The following DIP2C variants were observed in gnomAD, a reference collection of about 807,000 sequenced individuals.
DIP2C encodes DIP2 acetate--CoA ligase C (putative).
In DIP2C, 33 loss-of-function variants were observed where a neutral mutation model predicts 192.4. That is an observed-to-expected ratio of 0.17 (90% CI 0.13 to 0.23). The LOEUF (loss-of-function observed/expected upper bound fraction) is 0.23, where lower values mean the gene tolerates loss of function less well. DIP2C is among the 10% of genes least tolerant of loss of function. The pLI is 1.00. For synonymous variants in DIP2C, 979 were observed against 864.1 expected (o/e 1.13, Z -2.33); for missense variants, 1,537 against 2,110.1 (o/e 0.73, Z 5.32).
At position 627,110 on chromosome 10, in the gene DIP2C, G is replaced by A. The variant is rs537096336; in HGVS notation, c.85+62384C>T. 5.9e-5 allele frequency among the ~76,000 whole-genome samples: 9 copies of A among 152,382 alleles called. No homozygotes were observed. In the South Asian group the frequency reaches 1.7e-3, roughly 28 times the overall value. ...TGGAGGAAAATCCGCGTGGGGCTCA[G>A]AGATGGGTGGTCCCCGCACACGCAG... On this transcript the variant is annotated intron_variant, in intron 1 of 36. Transcript: ENST00000280886.
At position 305,804 on chromosome 10, in the gene DIP2C, C is replaced by G. The variant is rs183711799; in HGVS notation, c.3986+4227G>C. ...GGACTATAGGCACATGCCACCACAC[C>G]TAGTTCATTTTTAAAAAATGTTGTA... On this transcript the variant is annotated intron_variant, in intron 32 of 36. Coordinates refer to ENST00000280886, the MANE Select transcript of DIP2C (RefSeq NM_014974.3). 1.4e-3 allele frequency among the ~76,000 whole-genome samples: 211 copies of G among 152,064 alleles called. 2 individuals are homozygous for G. The highest frequency in any genetic ancestry group is 5.0e-3 in the African/African-American group (206 of 41,442).
At chr10:445,533 T>C (rs190234216) in intron 3 of DIP2C, among the ~76,000 whole-genome samples, 208 of 151,928 alleles carry the variant, frequency 1.4e-3, no homozygotes, top group South Asian at 2.3e-3. Context: ...TATACATCTG[T>C]TGCGAAGAGT....
chr10:296,237 G>A (rs1211011921), intron 32 of DIP2C, among the ~76,000 whole-genome samples: 1 of 152,062 alleles, frequency 6.6e-6, no homozygotes, highest in East Asian at 1.9e-4. Context: ...TTCCTTCTAG[G>A]GTTTTTATGG....
At chr10:494,876 T>C (rs548767771) in intron 1 of DIP2C, among the ~76,000 whole-genome samples, 14 of 152,364 alleles carry the variant, frequency 9.2e-5, no homozygotes, top group African/African-American at 3.4e-4. Context: ...AGCAATCCCA[T>C]GTCTGGGTAA....
intron 1 of DIP2C, among the ~76,000 whole-genome samples, chr10:500,357 C>T (rs934927778): frequency 1.3e-5 from 2 of 152,258 alleles, no homozygotes; most frequent in African/African-American, 4.8e-5. Context: ...TCAGTAGGTC[C>T]TGTGACCCCA....
chr10:652,387 G>C lies in DIP2C; in HGVS notation c.85+37107C>G, dbSNP rs921072263. On this transcript the variant is annotated intron_variant, in intron 1 of 36. Coordinates refer to ENST00000280886, the MANE Select transcript of DIP2C (RefSeq NM_014974.3). The surrounding 1 kb of genome is among the most constrained non-coding windows in gnomAD (Gnocchi z 4.5). ...AGTTCCAGTCCCGGGGTGGGGTGGC[G>C]GGGGGGCGCACTGTGCACCCTCCCA... 1.7e-5 allele frequency: 3 copies of C among 174,274 alleles called. No individual in the cohort carries two copies. Among genetic ancestry groups the C allele is most frequent in the Non-Finnish European group, 2.5e-5 (2 of 80,154 alleles). 10.8% of individuals were successfully genotyped at this position (174,274 alleles called of 1,614,324 possible). A position where few individuals can be genotyped will look rare whatever the true frequency, so the allele number is the denominator to read the frequency against.
At chr10:608,893 G>A (rs896129575) in intron 1 of DIP2C, among the ~76,000 whole-genome samples, 5 of 151,260 alleles carry the variant, frequency 3.3e-5, no homozygotes, top group East Asian at 2.0e-4. Flanking sequence ...AAATATACTT[G>A]CAAGTGGTTC....
At chr10:478,732 G>C (rs1374062249) in intron 2 of DIP2C, among the ~76,000 whole-genome samples, 1 of 151,522 alleles carries the variant, frequency 6.6e-6, no homozygotes, top group African/African-American at 2.4e-5. Flanking sequence ...TGGGGGTGTA[G>C]ACACATCCAA....
chr10:641,966 G>A (rs1019950665), intron 1 of DIP2C, among the ~76,000 whole-genome samples: 81 of 152,094 alleles, frequency 5.3e-4, no homozygotes, highest in African/African-American at 1.7e-3. Context: ...GAGGTTGCAG[G>A]GAGCCAAGAT....
chr10:464,749 A>C (rs918974372), intron 3 of DIP2C, among the ~76,000 whole-genome samples: 5 of 152,236 alleles, frequency 3.3e-5, no homozygotes, highest in African/African-American at 1.2e-4. Context: ...TCAATGATAG[A>C]CTGGATAAAG....
chr10:363,333 G>GT lies in DIP2C; in HGVS notation c.2478-23dup. On this transcript the variant is annotated intron_variant, in intron 20 of 36. Transcript: ENST00000280886. The surrounding 1 kb of genome is among the most constrained non-coding windows in gnomAD (Gnocchi z 5.4). ...TATCCTGCGGGGACACAGGAGCATG[G>GT]TGAGCACGCGCCGGGGACGCTCATG... is the stretch of plus-strand genomic sequence containing the variant. The GT allele has an allele frequency of 1.9e-6, 3 of 1,604,740 alleles. No homozygotes were observed. Among genetic ancestry groups the GT allele is most frequent in the Middle Eastern group, 1.7e-4 (1 of 6,048 alleles).
chr10:578,710 A>G (rs779397737), intron 1 of DIP2C, among the ~76,000 whole-genome samples: 2 of 152,086 alleles, frequency 1.3e-5, no homozygotes, highest in Non-Finnish European at 2.9e-5. Flanking sequence ...AGATCCACAT[A>G]CTATATGTAC....
At chr10:531,125 G>A (rs765701396) in intron 1 of DIP2C, among the ~76,000 whole-genome samples, 16 of 152,168 alleles carry the variant, frequency 1.1e-4, no homozygotes, top group Non-Finnish European at 2.4e-4. Flanking sequence ...GACGCGCTGA[G>A]TCCACCTCAT....
chr10:539,319 A>T (rs779387297), intron 1 of DIP2C, among the ~76,000 whole-genome samples: 1 of 152,168 alleles, frequency 6.6e-6, no homozygotes, highest in East Asian at 1.9e-4. Context: ...ATATTTTTTT[A>T]ATGTGTTTGT....
At chr10:530,211 G>A (rs775777746) in intron 1 of DIP2C, among the ~76,000 whole-genome samples, 3 of 152,222 alleles carry the variant, frequency 2.0e-5, no homozygotes, top group Non-Finnish European at 4.4e-5. Flanking sequence ...ATCAAAGGGT[G>A]TCAGCAACTA....
chr10:534,671 A>AT (rs398045806), intron 1 of DIP2C, among the ~76,000 whole-genome samples: 6,082 of 101,794 alleles, frequency 0.06, 209 homozygotes, highest in Middle Eastern at 0.11. Context: ...GATGATTATT[A>AT]TTTTTTTTTT....
intron 28 of DIP2C, among the ~76,000 whole-genome samples, chr10:343,329 T>G (rs553115112): frequency 6.6e-6 from 1 of 152,260 alleles, no homozygotes; most frequent in African/African-American, 2.4e-5. Flanking sequence ...AAGTAGAATG[T>G]CACCAGAGCT....
Position 652,121 on chromosome 10 carries a change from T to C in DIP2C, c.85+37373A>G, listed in dbSNP as rs916878830. 6.3e-6 allele frequency: 1 copy of C among 159,086 alleles called. No individual in the cohort carries two copies. Among genetic ancestry groups the C allele is most frequent in the African/African-American group, 2.4e-5 (1 of 41,486 alleles). 9.9% of individuals were successfully genotyped at this position (159,086 alleles called of 1,614,324 possible). A position where few individuals can be genotyped will look rare whatever the true frequency, so the allele number is the denominator to read the frequency against. On this transcript the variant is annotated intron_variant, in intron 1 of 36. Transcript: ENST00000280886. The surrounding 1 kb of genome is among the most constrained non-coding windows in gnomAD (Gnocchi z 4.5). ...TCAACTGTATGCAATTGACACTGATTCCTACCAACGATATCCAAATCTTAG... is the reference window on the plus strand; with the variant it reads ...TCAACTGTATGCAATTGACACTGATCCCTACCAACGATATCCAAATCTTAG...
intron 2 of DIP2C, among the ~76,000 whole-genome samples, chr10:473,333 C>T (rs980988479): frequency 5.3e-5 from 8 of 152,314 alleles, no homozygotes; most frequent in Middle Eastern, 3.4e-3. Context: ...TCTGACACCA[C>T]GGGAACAATA....
Sources: allele counts gnomAD v4.1 joint callset (sites outside exome capture counted in the v4.1 genomes callset), GRCh38; gene constraint gnomAD v4.1.1; non-coding constraint Gnocchi (gnomAD v3.1); transcripts MANE v1.5; gene names NCBI Gene and HGNC (gene_info 2026-07-23, HGNC 2026-07-21).